DIPK1A: variants seen among roughly 807,000 people sequenced by gnomAD.
The protein encoded by DIPK1A is family with sequence similarity 69 member A.
In DIPK1A, 27 loss-of-function variants were observed where a neutral mutation model predicts 40.8. The observed-to-expected ratio is 0.66, with a 90% CI of 0.49 to 0.91. The LOEUF (loss-of-function observed/expected upper bound fraction) is 0.91. DIPK1A is among the 40% of genes least tolerant of loss of function. DIPK1A has a pLI of 0.00. For missense variants in DIPK1A, 412 were observed against 505.7 expected, an observed-to-expected ratio of 0.81 and a Z score of 1.78; for synonymous variants, 166 against 171.3, an observed-to-expected ratio of 0.97 and a Z score of 0.24.
At chr1:92,933,748 C>G (rs1191524194) in intron 1 of DIPK1A, 1 of 152,180 alleles carries the variant, frequency 6.6e-6, no homozygotes, top group Non-Finnish European at 1.5e-5. Flanking sequence ...TCGCTGCTTG[C>G]AACACTATTT....
intron 4 of DIPK1A, among the ~76,000 whole-genome samples, chr1:92,844,947 T>C (rs950528742): frequency 4.4e-5 from 6 of 136,806 alleles, no homozygotes; most frequent in African/African-American, 1.1e-4. Context: ...TTTCTTTTTT[T>C]TTTTTTTTTT....
intron 1 of DIPK1A, among the ~76,000 whole-genome samples, chr1:92,923,855 G>A (rs549190983): frequency 6.6e-6 from 1 of 151,374 alleles, no homozygotes; most frequent in Admixed American, 6.6e-5. Flanking sequence ...CAGGCTTAGT[G>A]TTACACAGAA....
At chr1:92,867,261 G>A (rs1045941442) in intron 2 of DIPK1A, among the ~76,000 whole-genome samples, 2 of 143,246 alleles carry the variant, frequency 1.4e-5, no homozygotes, top group Non-Finnish European at 3.0e-5. Context: ...TCACTGTGTT[G>A]GCCAGGATGG....
At chr1:92,839,685 A>G (rs1304700980), downstream of DIPK1A, among the ~76,000 whole-genome samples, 1 of 152,208 alleles carries the variant, frequency 6.6e-6, no homozygotes, top group Non-Finnish European at 1.5e-5. Context: ...ATATCTTAAT[A>G]CTTTTGGCAC....
At chr1:92,846,832 T>TATAC (rs1421036484) in intron 4 of DIPK1A, among the ~76,000 whole-genome samples, 1 of 3,024 alleles carries the variant, frequency 3.3e-4, no homozygotes, top group African/African-American at 2.6e-3. Flanking sequence ...TATATATATA[T>TATAC]ATATATATAT....
chr1:92,836,092 C>T (rs1244641446), intron 4 of DIPK1A: 2 of 1,141,786 alleles, frequency 1.8e-6, no homozygotes, highest in East Asian at 4.7e-5. Context: ...ATTTTCTTTT[C>T]CAGATGTCAG....
At chr1:92,840,315 T>G (rs1687302491), downstream of DIPK1A, 1 of 461,490 alleles carries the variant, frequency 2.2e-6, no homozygotes, top group Non-Finnish European at 4.0e-6. Context: ...CCTGGCCTGA[T>G]TTTTTTCTTG....
At chr1:92,955,427 G>A (rs980613224) in intron 1 of DIPK1A, among the ~76,000 whole-genome samples, 10 of 152,150 alleles carry the variant, frequency 6.6e-5, no homozygotes, top group South Asian at 4.1e-4. Flanking sequence ...GGCTGGGCAC[G>A]GTGGCTCACG....
At chr1:92,900,715 C>T (rs1282550342) in intron 1 of DIPK1A, among the ~76,000 whole-genome samples, 1 of 152,098 alleles carries the variant, frequency 6.6e-6, no homozygotes, top group African/African-American at 2.4e-5. Flanking sequence ...TTCAGAGCAC[C>T]CCTTCCTCCC....
At chr1:92,839,387 T>C (rs934445131), downstream of DIPK1A, among the ~76,000 whole-genome samples, 1 of 152,090 alleles carries the variant, frequency 6.6e-6, no homozygotes, top group Non-Finnish European at 1.5e-5. Context: ...CAATAAAATA[T>C]CTGATCGGTT....
chr1:92,834,055 C>A, intron 4 of DIPK1A: 1 of 280,178 alleles, frequency 3.6e-6, no homozygotes, highest in Non-Finnish European at 6.9e-6. Context: ...TGAGATCACA[C>A]CCAGCCCTCC....
chr1:92,835,035 G>A, intron 4 of DIPK1A: 1 of 1,414,422 alleles, frequency 7.1e-7, no homozygotes, highest in Non-Finnish European at 9.9e-7. Context: ...CTTGCTTCCA[G>A]TTTTCTGCTT....
chr1:92,843,242 A>G lies in DIPK1A; in HGVS notation c.*141T>C. 2.1e-6 allele frequency: 3 copies of G among 1,435,542 alleles called. No homozygotes were observed. The highest frequency in any genetic ancestry group is 2.7e-6 in the Non-Finnish European group (3 of 1,094,426). 88.9% of individuals were successfully genotyped at this position (1,435,542 alleles called of 1,614,324 possible). ...TCCTACACCTGCCATTACTTCAGTG[A>G]TCACATACTGATGGCTTCTCAGGCC... On this transcript the variant is annotated 3_prime_UTR_variant, in exon 5 of 5. Transcript: ENST00000370310.
chr1:92,940,122 G>C (rs950520292), intron 1 of DIPK1A, among the ~76,000 whole-genome samples: 1 of 152,106 alleles, frequency 6.6e-6, no homozygotes, highest in Non-Finnish European at 1.5e-5. Context: ...CCATACATGG[G>C]GAGCTAGAAA....
At chr1:92,879,339 G>A (rs945753226) in intron 1 of DIPK1A, among the ~76,000 whole-genome samples, 20 of 152,208 alleles carry the variant, frequency 1.3e-4, no homozygotes, top group Non-Finnish European at 2.8e-4. Flanking sequence ...AGTTTTTTAA[G>A]GTGTGATAAT....
chr1:92,840,759 C>T (rs757101283), downstream of DIPK1A: 4 of 813,156 alleles, frequency 4.9e-6, no homozygotes, highest in South Asian at 2.7e-5. Flanking sequence ...GTGGCAGAAG[C>T]GAAGGGAACC....
At chr1:92,912,969 T>C (rs1252503148) in intron 1 of DIPK1A, among the ~76,000 whole-genome samples, 1 of 151,170 alleles carries the variant, frequency 6.6e-6, no homozygotes. Flanking sequence ...CTAGGCATGG[T>C]GGCATGCATC....
rs562635030 is a variant in DIPK1A at position 92,903,703 on chromosome 1, A to T, written c.55-27273T>A. ...GGGATGACCTAGGTCAAATTCAGGTATCGTAAGAGCTACCAAGTTTGAATT... is the reference window on the plus strand; with the variant it reads ...GGGATGACCTAGGTCAAATTCAGGTTTCGTAAGAGCTACCAAGTTTGAATT... On this transcript the variant is annotated intron_variant, in intron 1 of 4. Coordinates refer to ENST00000370310, the MANE Select transcript of DIPK1A (RefSeq NM_001006605.5). Among the ~76,000 whole-genome samples the T allele has an allele frequency of 3.3e-5, 5 of 152,352 alleles. No individual in the cohort carries two copies. The East Asian group carries it at 9.6e-4, about 29-fold the overall frequency.
At position 92,893,589 on chromosome 1, in the gene DIPK1A, A is replaced by T. The variant is rs530687842; in HGVS notation, c.55-17159T>A. Among the ~76,000 whole-genome samples, 921 of 152,192 alleles carry T rather than the reference A, an allele frequency of 6.1e-3. 9 individuals carry two copies. Among genetic ancestry groups the T allele is most frequent in the African/African-American group, 0.021 (875 of 41,456 alleles). ...ACCATCGAGGCTAGGAAGAAACTGCATCAACTAACGAGCAAAATAACCAGC... is the reference window on the plus strand; with the variant it reads ...ACCATCGAGGCTAGGAAGAAACTGCTTCAACTAACGAGCAAAATAACCAGC... On this transcript the variant is annotated intron_variant, in intron 1 of 4. Coordinates refer to ENST00000370310, the MANE Select transcript of DIPK1A (RefSeq NM_001006605.5).
Sources: allele counts gnomAD v4.1 joint callset (sites outside exome capture counted in the v4.1 genomes callset), GRCh38; gene constraint gnomAD v4.1.1; transcripts MANE v1.5; gene names NCBI Gene and HGNC (gene_info 2026-07-23, HGNC 2026-07-21).